DNM3: variants seen among roughly 807,000 people sequenced by gnomAD.
DNM3 encodes the protein dynamin-3.
A neutral mutation model predicts 101.6 loss-of-function variants in DNM3; 47 were observed. The observed-to-expected ratio is 0.46, with a 90% CI of 0.37 to 0.59. The LOEUF is 0.59. DNM3 is among the 20% of genes least tolerant of loss of function. The probability of loss-of-function intolerance (pLI) is 0.00; values close to 1 mark genes in which losing one functional copy is unlikely to be tolerated. For missense variants in DNM3, 849 were observed against 1,085.7 expected (o/e 0.78, Z 3.06); for synonymous variants, 385 against 387.9 (o/e 0.99, Z 0.09).
chr1:172,259,977 G>A (rs1185334119), intron 15 of DNM3, among the ~76,000 whole-genome samples: 5 of 152,038 alleles, frequency 3.3e-5, no homozygotes, highest in Admixed American at 2.0e-4. Flanking sequence ...GCTTTTGGGT[G>A]TAGGTCTCCC....
At chr1:172,198,117 G>A (rs1211325956) in intron 14 of DNM3, among the ~76,000 whole-genome samples, 1 of 152,082 alleles carries the variant, frequency 6.6e-6, no homozygotes, top group African/African-American at 2.4e-5. Context: ...TTAACATGAA[G>A]GGGTGTTGAA....
At chr1:172,242,615 A>G (rs181298357) in intron 14 of DNM3, among the ~76,000 whole-genome samples, 99 of 152,198 alleles carry the variant, frequency 6.5e-4, no homozygotes, top group African/African-American at 2.1e-3. Flanking sequence ...GTTTTTTAAA[A>G]AAAATTTTGG....
intron 16 of DNM3, among the ~76,000 whole-genome samples, chr1:172,315,529 A>G: frequency 6.6e-6 from 1 of 152,252 alleles, no homozygotes; most frequent in South Asian, 2.1e-4. Context: ...TAACCAATAC[A>G]GAGAAGTGCT....
intron 1 of DNM3, among the ~76,000 whole-genome samples, chr1:171,865,332 G>C (rs1179549646): frequency 6.6e-6 from 1 of 151,754 alleles, no homozygotes; most frequent in South Asian, 2.1e-4. Flanking sequence ...CCTGGGCAAC[G>C]TGGTGAAACC....
At chr1:172,406,304 C>CTAAA (rs1244108029) in intron 20 of DNM3, among the ~76,000 whole-genome samples, 1 of 151,988 alleles carries the variant, frequency 6.6e-6, no homozygotes, top group African/African-American at 2.4e-5. Flanking sequence ...TAACACCATG[C>CTAAA]TAAACACTGT....
intron 14 of DNM3, among the ~76,000 whole-genome samples, chr1:172,193,920 T>C (rs1046144105): frequency 3.3e-5 from 5 of 152,304 alleles, no homozygotes; most frequent in African/African-American, 1.2e-4. Flanking sequence ...ATGTGTTTGC[T>C]CTTGCTTCTC....
At chr1:172,228,289 T>C (rs979573039) in intron 14 of DNM3, among the ~76,000 whole-genome samples, 12 of 152,008 alleles carry the variant, frequency 7.9e-5, no homozygotes, top group African/African-American at 2.9e-4. Flanking sequence ...CTAAAATTTC[T>C]ATTTTGTGGG....
At chr1:172,294,688 G>C (rs2064072261) in intron 15 of DNM3, among the ~76,000 whole-genome samples, 1 of 152,096 alleles carries the variant, frequency 6.6e-6, no homozygotes, top group Admixed American at 6.6e-5. Context: ...CAACACAGGA[G>C]GATCGTTTGA....
chr1:172,114,099 A>G (rs549172634), intron 13 of DNM3, among the ~76,000 whole-genome samples: 6 of 152,330 alleles, frequency 3.9e-5, no homozygotes, highest in South Asian at 2.1e-4. Context: ...GAAATTGTAC[A>G]TATTTTCAGT....
intron 13 of DNM3, chr1:172,093,766 T>C: frequency 1.3e-6 from 2 of 1,584,036 alleles, no homozygotes; most frequent in East Asian, 2.2e-5. Flanking sequence ...TGCTTTTTCA[T>C]TTAGCTTCCC....
At chr1:171,876,636 A>G (rs1269072328) in intron 1 of DNM3, among the ~76,000 whole-genome samples, 1 of 152,228 alleles carries the variant, frequency 6.6e-6, no homozygotes, top group African/African-American at 2.4e-5. Flanking sequence ...CTTCCAGGGC[A>G]GATACCTTTC....
In DNM3 at chr1:171,886,354, T is replaced by C. The variant is rs2036767466; in HGVS notation, c.162-35394T>C. Among the ~76,000 whole-genome samples, 3 of 152,146 alleles carry C rather than the reference T, an allele frequency of 2.0e-5. No individual in the cohort carries two copies. In the South Asian group the frequency reaches 6.2e-4, roughly 32 times the overall value. On this transcript the variant is annotated intron_variant, in intron 1 of 20. Coordinates refer to ENST00000627582, the MANE Select transcript of DNM3 (RefSeq NM_015569.5). Reference sequence around the variant, plus strand: ...GTCTATAAATCAGATGGCCACTTAATGGGTATATAATAGAAGGGATGGTAA... The same window carrying C: ...GTCTATAAATCAGATGGCCACTTAACGGGTATATAATAGAAGGGATGGTAA...
rs2071263779 is a variant in DNM3 at position 172,412,439 on chromosome 1, C to CT, written c.*4604dup. ...GCTTGCTTGTCTATTTTTACTTTCC[C>CT]TTTTTTGGGTCAAATTTTTCTTTTG... On this transcript the variant is annotated 3_prime_UTR_variant, in exon 21 of 21. Transcript: ENST00000627582. 2 of 985,602 alleles carry CT rather than the reference C, an allele frequency of 2.0e-6. No individual in the cohort carries two copies. The highest frequency in any genetic ancestry group is 6.2e-5 in the Admixed American group (1 of 16,254). 61.1% of individuals were successfully genotyped at this position (985,602 alleles called of 1,614,324 possible). A position where few individuals can be genotyped will look rare whatever the true frequency, so the allele number is the denominator to read the frequency against.
chr1:172,399,590 T>G (rs2149108118), intron 20 of DNM3, among the ~76,000 whole-genome samples: 1 of 152,324 alleles, frequency 6.6e-6, no homozygotes, highest in South Asian at 2.1e-4. Flanking sequence ...CACATATTTG[T>G]TCACTGACAT....
At chr1:172,063,601 ATCT>A (rs1218587511) in intron 10 of DNM3, among the ~76,000 whole-genome samples, 2 of 151,778 alleles carry the variant, frequency 1.3e-5, no homozygotes, top group Non-Finnish European at 2.9e-5. Flanking sequence ...TCTCCATTGA[ATCT>A]TCTTTATTAT....
At chr1:172,105,294 C>T (rs2054931138) in intron 13 of DNM3, among the ~76,000 whole-genome samples, 1 of 152,212 alleles carries the variant, frequency 6.6e-6, no homozygotes. Flanking sequence ...TCTACAGCAA[C>T]CCTGTGAAAC....
Position 171,900,970 on chromosome 1 carries a change from G to A in DNM3, c.162-20778G>A, listed in dbSNP as rs570458865. ...AAAAAAAAAATAGAAAAAATTAGCC[G>A]GGCGTGGTGGCGGGCGCCTGTAGTC... On this transcript the variant is annotated intron_variant, in intron 1 of 20. Coordinates refer to ENST00000627582, the MANE Select transcript of DNM3 (RefSeq NM_015569.5). 4.7e-3 allele frequency among the ~76,000 whole-genome samples: 719 copies of A among 151,440 alleles called. 6 individuals are homozygous for A. The highest frequency in any genetic ancestry group is 0.016 in the African/African-American group (675 of 41,300).
chr1:172,175,021 C>A (rs904544883), intron 14 of DNM3, among the ~76,000 whole-genome samples: 2 of 151,682 alleles, frequency 1.3e-5, no homozygotes, highest in Admixed American at 1.3e-4. Context: ...AAATTTAGTT[C>A]ATTGAAGCAT....
Position 172,408,828 on chromosome 1 carries a change from G to A in DNM3, c.*987G>A. On this transcript the variant is annotated 3_prime_UTR_variant, in exon 21 of 21. Coordinates refer to ENST00000627582, the MANE Select transcript of DNM3 (RefSeq NM_015569.5). The stretch of plus-strand genomic sequence containing the variant: ...ATCCTACCCTTGAAACAGGCTCAGT[G>A]TAACTGTATATCCATTCTAGGCTTT... 1 of 985,196 alleles carries A rather than the reference G, an allele frequency of 1.0e-6. No homozygotes were observed. The highest frequency in any genetic ancestry group is 1.2e-6 in the Non-Finnish European group (1 of 829,766). The allele number at this position is 985,196 out of a possible 1,614,324, so 61.0% of individuals were successfully genotyped here.
Sources: allele counts gnomAD v4.1 joint callset (sites outside exome capture counted in the v4.1 genomes callset), GRCh38; gene constraint gnomAD v4.1.1; transcripts MANE v1.5; gene names NCBI Gene and HGNC (gene_info 2026-07-23, HGNC 2026-07-21).